The following GRIN2A variants were observed in gnomAD, a reference collection of about 807,000 sequenced individuals.
GRIN2A encodes glutamate receptor ionotropic, NMDA 2A.
Under a neutral mutation model 113.4 loss-of-function variants are expected in GRIN2A, and 22 were observed. The observed-to-expected ratio is 0.19, with a 90% CI of 0.14 to 0.28. GRIN2A has a LOEUF of 0.28. Among genes scored for constraint, GRIN2A ranks in the 10% least tolerant of loss-of-function variants. The pLI is 1.00. For synonymous variants in GRIN2A, 827 were observed against 738.4 expected (o/e 1.12, Z -1.94); for missense variants, 1,502 against 1,887.0 (o/e 0.80, Z 3.78).
At chr16:9,966,228 C>T (rs927635272) in intron 2 of GRIN2A, among the ~76,000 whole-genome samples, 1 of 152,138 alleles carries the variant, frequency 6.6e-6, no homozygotes, top group African/African-American at 2.4e-5. Flanking sequence ...GGTATTAAGC[C>T]TAGTGCCTAT....
intron 2 of GRIN2A, among the ~76,000 whole-genome samples, chr16:9,949,181 T>C (rs940127655): frequency 2.6e-5 from 4 of 152,212 alleles, no homozygotes; most frequent in African/African-American, 9.6e-5. Flanking sequence ...TCTATTTAAA[T>C]AGCTGTCTCC....
At chr16:9,821,127 C>T (rs568057283) in intron 10 of GRIN2A, among the ~76,000 whole-genome samples, 18 of 152,168 alleles carry the variant, frequency 1.2e-4, no homozygotes, top group African/African-American at 3.6e-4. Flanking sequence ...GCTTGCCGAA[C>T]AGCCGAAAAG....
chr16:9,869,885 C>T (rs1182163617), intron 4 of GRIN2A, among the ~76,000 whole-genome samples: 1 of 152,272 alleles, frequency 6.6e-6, no homozygotes, highest in East Asian at 1.9e-4. Flanking sequence ...AGGTTCCTTC[C>T]CACCTGCAAT....
intron 11 of GRIN2A, among the ~76,000 whole-genome samples, chr16:9,787,047 A>G (rs1250800607): frequency 6.6e-6 from 1 of 152,188 alleles, no homozygotes; most frequent in African/African-American, 2.4e-5. Flanking sequence ...GAGGAAGTCA[A>G]AATATTTTAC....
chr16:10,116,495 G>C (rs2048730726), intron 2 of GRIN2A, among the ~76,000 whole-genome samples: 2 of 152,124 alleles, frequency 1.3e-5, no homozygotes, highest in Non-Finnish European at 1.5e-5. Context: ...AAAGGAAATA[G>C]AACCATGGAA....
intron 2 of GRIN2A, among the ~76,000 whole-genome samples, chr16:10,163,596 C>A (rs1431769978): frequency 6.6e-6 from 1 of 152,094 alleles, no homozygotes; most frequent in African/African-American, 2.4e-5. Flanking sequence ...TTCCAGGAAC[C>A]CCAAGTGCCC....
At chr16:10,100,317 T>C (rs2048369510) in intron 2 of GRIN2A, among the ~76,000 whole-genome samples, 2 of 152,148 alleles carry the variant, frequency 1.3e-5, no homozygotes, top group African/African-American at 2.4e-5. Context: ...GTAGAGAGGA[T>C]AGATTTTGAG....
At chr16:10,148,088 G>T (rs902254797) in intron 2 of GRIN2A, among the ~76,000 whole-genome samples, 3 of 152,132 alleles carry the variant, frequency 2.0e-5, no homozygotes, top group African/African-American at 7.2e-5. Flanking sequence ...CAGCCTCCTT[G>T]ATGGTTTGTC....
At chr16:9,785,666 T>C (rs1902193188) in intron 11 of GRIN2A, among the ~76,000 whole-genome samples, 1 of 151,968 alleles carries the variant, frequency 6.6e-6, no homozygotes, top group Non-Finnish European at 1.5e-5. Context: ...TAAAATATTA[T>C]AAAATTATGT....
Position 9,755,225 on chromosome 16 carries a change from T to C in GRIN2A, c.*7924A>G, listed in dbSNP as rs1298625967. 1 of 187,208 alleles carries C rather than the reference T, an allele frequency of 5.3e-6. No individual in the cohort carries two copies. Among genetic ancestry groups the C allele is most frequent in the Admixed American group, 6.2e-5 (1 of 16,140 alleles). The allele number at this position is 187,208 out of a possible 1,614,324, so 11.6% of individuals were successfully genotyped here. A position where few individuals can be genotyped will look rare whatever the true frequency, so the allele number is the denominator to read the frequency against. On this transcript the variant is annotated 3_prime_UTR_variant, in exon 13 of 13. Coordinates refer to ENST00000330684, the MANE Select transcript of GRIN2A (RefSeq NM_001134407.3). ...TATCTGAGGAAGTTAATCTGAGGAA[T>C]GACTTCATTTTAAGCAATTTAGTTC...
intron 11 of GRIN2A, among the ~76,000 whole-genome samples, chr16:9,795,745 C>T (rs976088735): frequency 6.6e-6 from 1 of 152,200 alleles, no homozygotes; most frequent in Non-Finnish European, 1.5e-5. Context: ...TACCCTTTCA[C>T]AGATGAATAA....
chr16:9,965,899 C>T (rs565877098), intron 2 of GRIN2A, among the ~76,000 whole-genome samples: 1 of 152,186 alleles, frequency 6.6e-6, no homozygotes, highest in African/African-American at 2.4e-5. Context: ...CTTGGTTTGC[C>T]AAGCCTAAAA....
At chr16:9,843,741 G>T (rs932448153) in intron 5 of GRIN2A, among the ~76,000 whole-genome samples, 4 of 152,288 alleles carry the variant, frequency 2.6e-5, no homozygotes, top group Admixed American at 2.6e-4. Flanking sequence ...CCTTAGTGGG[G>T]GGGTAGTAGG....
chr16:10,063,219 A>G (rs2047583302), intron 2 of GRIN2A, among the ~76,000 whole-genome samples: 1 of 152,194 alleles, frequency 6.6e-6, no homozygotes, highest in Admixed American at 6.5e-5. Flanking sequence ...GGGGATGATG[A>G]TAAGTGTGAG....
At chr16:10,023,272 C>A (rs2046758669) in intron 2 of GRIN2A, among the ~76,000 whole-genome samples, 1 of 152,156 alleles carries the variant, frequency 6.6e-6, no homozygotes, top group Non-Finnish European at 1.5e-5. Context: ...AATAACTCAT[C>A]CAACTGAGGC....
intron 2 of GRIN2A, among the ~76,000 whole-genome samples, chr16:9,952,613 G>A (rs1212808767): frequency 1.3e-5 from 2 of 152,118 alleles, no homozygotes; most frequent in African/African-American, 4.8e-5. Context: ...TAACTCATAT[G>A]ATTTACTTAC....
At chr16:9,915,274 C>T (rs1044589772) in intron 3 of GRIN2A, among the ~76,000 whole-genome samples, 1 of 151,840 alleles carries the variant, frequency 6.6e-6, no homozygotes, top group African/African-American at 2.4e-5. Flanking sequence ...CTGAAGCTGA[C>T]GGCAATTTAC....
intron 2 of GRIN2A, among the ~76,000 whole-genome samples, chr16:10,116,890 G>A (rs949172671): frequency 2.6e-5 from 4 of 152,152 alleles, no homozygotes; most frequent in South Asian, 2.1e-4. Context: ...AAACACAATC[G>A]TATGGCCAGA....
At chr16:9,818,901 G>T (rs573189515) in intron 10 of GRIN2A, among the ~76,000 whole-genome samples, 1 of 152,110 alleles carries the variant, frequency 6.6e-6, no homozygotes, top group Non-Finnish European at 1.5e-5. Flanking sequence ...TGAATGTGAC[G>T]CAATACAAAG....
Sources: allele counts gnomAD v4.1 joint callset (sites outside exome capture counted in the v4.1 genomes callset), GRCh38; gene constraint gnomAD v4.1.1; transcripts MANE v1.5; gene names NCBI Gene and HGNC (gene_info 2026-07-23, HGNC 2026-07-21).